The following SH3GL2 variants were observed in gnomAD, a reference collection of about 807,000 sequenced individuals.
SH3GL2 encodes the protein SH3 domain containing GRB2 like 2, endophilin A1.
SH3GL2 carries 24 observed loss-of-function variants against 46.0 expected under a neutral mutation model. The observed-to-expected ratio is 0.52, with a 90% confidence interval of 0.38 to 0.73. The LOEUF is 0.73. SH3GL2 is among the 30% of genes least tolerant of loss of function. The pLI is 0.00. For synonymous variants in SH3GL2, 196 were observed against 147.1 expected (o/e 1.33, Z -2.40); for missense variants, 413 against 424.2 (o/e 0.97, Z 0.23).
intron 1 of SH3GL2, among the ~76,000 whole-genome samples, chr9:17,629,190 A>G (rs1819364235): frequency 6.6e-6 from 1 of 152,236 alleles, no homozygotes; most frequent in Non-Finnish European, 1.5e-5. Context: ...TGGATTAGTC[A>G]CAAGGCCTTT....
intron 1 of SH3GL2, among the ~76,000 whole-genome samples, chr9:17,597,800 A>G (rs1003711060): frequency 5.3e-5 from 8 of 152,170 alleles, no homozygotes; most frequent in Non-Finnish European, 8.8e-5. Flanking sequence ...GAGAGTTGCA[A>G]GGGCCTGCCT....
At chr9:17,792,913 GA>G (rs1486807352) in intron 7 of SH3GL2, among the ~76,000 whole-genome samples, 1 of 152,036 alleles carries the variant, frequency 6.6e-6, no homozygotes, top group South Asian at 2.1e-4. Flanking sequence ...TTTTAAAATT[GA>G]AAAAATTGTG....
At chr9:17,691,902 A>G (rs911359815) in intron 1 of SH3GL2, among the ~76,000 whole-genome samples, 4 of 152,178 alleles carry the variant, frequency 2.6e-5, no homozygotes, top group African/African-American at 9.6e-5. Context: ...CTTTGAGAGT[A>G]CATACTGAAA....
intron 1 of SH3GL2, among the ~76,000 whole-genome samples, chr9:17,640,853 T>C (rs909730089): frequency 1.3e-5 from 2 of 152,236 alleles, no homozygotes; most frequent in African/African-American, 4.8e-5. Flanking sequence ...CTAATCACTT[T>C]TTTCTTTCAA....
chr9:17,580,548 A>G lies in SH3GL2; in HGVS notation c.45+1261A>G, dbSNP rs549643805. Among the ~76,000 whole-genome samples, 6 of 152,344 alleles carry G rather than the reference A, an allele frequency of 3.9e-5. No individual in the cohort carries two copies. The East Asian group carries it at 1.2e-3, about 29-fold the overall frequency. ...TACCTGTCAACTTAGGAAATCAAGA[A>G]AAGTAAGACTATTTCTGTAAAAATG... On this transcript the variant is annotated intron_variant, in intron 1 of 8. Transcript: ENST00000380607.
intron 1 of SH3GL2, among the ~76,000 whole-genome samples, chr9:17,745,982 A>G (rs919045021): frequency 6.6e-5 from 10 of 152,190 alleles, no homozygotes; most frequent in Non-Finnish European, 1.5e-4. Flanking sequence ...ATTAACATTT[A>G]GTATTTGTGT....
chr9:17,615,585 G>A (rs1818972277), intron 1 of SH3GL2, among the ~76,000 whole-genome samples: 1 of 148,998 alleles, frequency 6.7e-6, no homozygotes, highest in African/African-American at 2.5e-5. Context: ...AACCCAGGAG[G>A]CAGAGGTTGC....
intron 1 of SH3GL2, chr9:17,653,718 A>G (rs1820006471): frequency 1.2e-5 from 2 of 166,246 alleles, no homozygotes; most frequent in Admixed American, 1.3e-4. Context: ...TTGTGTACTT[A>G]AATGATTTAT....
intron 1 of SH3GL2, among the ~76,000 whole-genome samples, chr9:17,622,992 T>TTTCCTTTCCGTTCCGTTCCG (rs1563786443): frequency 3.1e-5 from 2 of 65,322 alleles, no homozygotes; most frequent in Admixed American, 1.5e-4. Flanking sequence ...TTTCGTTTCC[T>TTTCCTTTCCGTTCCGTTCCG]TTCCTTTCCT....
chr9:17,740,866 G>T (rs557752807), intron 1 of SH3GL2, among the ~76,000 whole-genome samples: 13 of 152,232 alleles, frequency 8.5e-5, no homozygotes, highest in Admixed American at 7.9e-4. Flanking sequence ...AGTGTTAGAT[G>T]ATGTTGGTTT....
chr9:17,616,543 A>C (rs1290389863), intron 1 of SH3GL2, among the ~76,000 whole-genome samples: 3 of 152,106 alleles, frequency 2.0e-5, no homozygotes, highest in Admixed American at 2.0e-4. Flanking sequence ...AGAAGGGGAG[A>C]GATCTGGGGG....
intron 1 of SH3GL2, among the ~76,000 whole-genome samples, chr9:17,625,110 A>G (rs111666143): frequency 2.3e-4 from 35 of 152,200 alleles, no homozygotes; most frequent in African/African-American, 7.9e-4. Context: ...TTTAATGAAC[A>G]TGCACATTTT....
intron 1 of SH3GL2, among the ~76,000 whole-genome samples, chr9:17,737,698 T>C (rs1235829274): frequency 1.3e-5 from 2 of 152,094 alleles, no homozygotes; most frequent in African/African-American, 4.8e-5. Context: ...GTTTTGGTCG[T>C]TTTCGTTGGT....
intron 1 of SH3GL2, among the ~76,000 whole-genome samples, chr9:17,722,122 C>G (rs542125235): frequency 6.6e-6 from 1 of 152,206 alleles, no homozygotes; most frequent in South Asian, 2.1e-4. Context: ...AAGTGAAAGA[C>G]CTGCCCAAAG....
At chr9:17,766,013 C>G (rs535893364) in intron 3 of SH3GL2, among the ~76,000 whole-genome samples, 59 of 152,276 alleles carry the variant, frequency 3.9e-4, no homozygotes, top group Non-Finnish European at 6.0e-4. Context: ...CATATGTAAC[C>G]AACATTTGTC....
At chr9:17,688,356 G>A (rs1310719324) in intron 1 of SH3GL2, among the ~76,000 whole-genome samples, 1 of 152,062 alleles carries the variant, frequency 6.6e-6, no homozygotes, top group African/African-American at 2.4e-5. Context: ...TGTAGTTTGG[G>A]ATGGAAAATG....
chr9:17,643,035 C>A (rs1392195372), intron 1 of SH3GL2, among the ~76,000 whole-genome samples: 1 of 152,106 alleles, frequency 6.6e-6, no homozygotes, highest in Non-Finnish European at 1.5e-5. Context: ...GAATGTTTTT[C>A]CATTTGTTTG....
chr9:17,643,953 G>T (rs183070234), intron 1 of SH3GL2, among the ~76,000 whole-genome samples: 59 of 152,246 alleles, frequency 3.9e-4, no homozygotes, highest in African/African-American at 1.4e-3. Flanking sequence ...CTGTGAATTC[G>T]TCTGGTCCTG....
In SH3GL2 at chr9:17,697,670, C is replaced by T. The variant is rs144186875; in HGVS notation, c.46-49396C>T. ...CAACTTCATTAGACATCCACTAGTA[C>T]ATAACTTTGTCACTGAAACCATATC... On this transcript the variant is annotated intron_variant, in intron 1 of 8. Coordinates refer to ENST00000380607, the MANE Select transcript of SH3GL2 (RefSeq NM_003026.5). 1.2e-3 allele frequency among the ~76,000 whole-genome samples: 189 copies of T among 152,284 alleles called. 1 individual carries two copies. Among genetic ancestry groups the T allele is most frequent in the Admixed American group, 9.4e-3 (144 of 15,288 alleles).
Sources: allele counts gnomAD v4.1 joint callset (sites outside exome capture counted in the v4.1 genomes callset), GRCh38; gene constraint gnomAD v4.1.1; transcripts MANE v1.5; gene names NCBI Gene and HGNC (gene_info 2026-07-23, HGNC 2026-07-21).